Variants in PHC3 observed in about 807,000 individuals in gnomAD.
PHC3 encodes the protein polyhomeotic homolog 3.
A neutral mutation model predicts 107.4 loss-of-function variants in PHC3; 13 were observed. That is an observed-to-expected ratio of 0.12 (90% CI 0.08 to 0.19). The LOEUF is 0.19. Ranked by LOEUF, PHC3 falls within the 10% of genes least tolerant of loss-of-function variation. The pLI, the probability that PHC3 is intolerant of heterozygous loss-of-function variation, is 1.00. For missense variants in PHC3, 992 were observed against 1,210.9 expected (o/e 0.82, Z 2.68); for synonymous variants, 456 against 427.4 (o/e 1.07, Z -0.83).
chr3:170,151,695 A>G (rs750516560), intron 4 of PHC3, among the ~76,000 whole-genome samples: 2 of 152,212 alleles, frequency 1.3e-5, no homozygotes, highest in African/African-American at 2.4e-5. Context: ...CTCCACCCAT[A>G]CGTTCTGAGA....
chr3:170,173,192 T>C (rs1156992740), intron 2 of PHC3, among the ~76,000 whole-genome samples: 3 of 143,882 alleles, frequency 2.1e-5, no homozygotes, highest in East Asian at 2.0e-4. Flanking sequence ...GACTCCCATC[T>C]CAAAAAAAAA....
At chr3:170,176,089 G>C (rs1216601449) in intron 2 of PHC3, among the ~76,000 whole-genome samples, 1 of 151,618 alleles carries the variant, frequency 6.6e-6, no homozygotes, top group East Asian at 1.9e-4. Flanking sequence ...AGCTGGATCT[G>C]CTGGCACATG....
At chr3:170,098,455 A>T (rs1201071434) in intron 14 of PHC3, among the ~76,000 whole-genome samples, 1 of 152,194 alleles carries the variant, frequency 6.6e-6, no homozygotes, top group African/African-American at 2.4e-5. Context: ...TGGATGCCAC[A>T]ATTTTGCTAG....
intron 13 of PHC3, 22 bp downstream of exon 13, chr3:170,102,780 T>C (rs1298472711): frequency 5.6e-6 from 9 of 1,613,512 alleles, no homozygotes; most frequent in East Asian, 2.2e-5. Flanking sequence ...GTATTTTACA[T>C]TGAAGCAAGG....
chr3:170,117,567 G>A, intron 9 of PHC3, 91 bp from the exon 10 acceptor site: 2 of 1,281,758 alleles, frequency 1.6e-6, no homozygotes, highest in Non-Finnish European at 2.1e-6. Flanking sequence ...AATAACAACA[G>A]TTAATATCTG....
chr3:170,120,019 A>G (rs1466884405), intron 9 of PHC3, among the ~76,000 whole-genome samples: 10 of 152,210 alleles, frequency 6.6e-5, no homozygotes, highest in African/African-American at 1.9e-4. Flanking sequence ...TTGTGTTCCA[A>G]TATTTCAGAA....
chr3:170,177,142 A>T (rs1369151040), intron 2 of PHC3, among the ~76,000 whole-genome samples: 1 of 152,186 alleles, frequency 6.6e-6, no homozygotes, highest in Non-Finnish European at 1.5e-5. Context: ...TTCTTAGGCC[A>T]CCTGGGTTTA....
intron 6 of PHC3, among the ~76,000 whole-genome samples, chr3:170,141,000 A>G (rs746411364): frequency 1.3e-5 from 2 of 152,188 alleles, no homozygotes; most frequent in Non-Finnish European, 2.9e-5. Context: ...ATAGTAAATA[A>G]AAGTGAGATA....
chr3:170,175,140 A>G (rs141810378), intron 2 of PHC3, among the ~76,000 whole-genome samples: 1 of 152,284 alleles, frequency 6.6e-6, no homozygotes, highest in Admixed American at 6.5e-5. Context: ...AATTCCCAGG[A>G]CAGAAAAAGC....
chr3:170,122,500 G>A lies in PHC3; in HGVS notation c.1942+91C>T, dbSNP rs367838245. 6.7e-6 allele frequency: 9 copies of A among 1,349,322 alleles called. No homozygotes were observed. In the South Asian group the frequency reaches 8.5e-5, roughly 13 times the overall value. 83.6% of individuals were successfully genotyped at this position (1,349,322 alleles called of 1,614,324 possible). On this transcript the variant is annotated intron_variant, in intron 9 of 14. Coordinates refer to ENST00000495893, the MANE Select transcript of PHC3 (RefSeq NM_024947.4). ...CACCTGTAGTTCCAGCTACAAAAAGGGTGAAAGGAGGAAAGGGAAAAAAAT... is the reference window on the plus strand; with the variant it reads ...CACCTGTAGTTCCAGCTACAAAAAGAGTGAAAGGAGGAAAGGGAAAAAAAT...
intron 4 of PHC3, among the ~76,000 whole-genome samples, chr3:170,167,388 TTA>T (rs1728897822): frequency 6.6e-6 from 1 of 152,228 alleles, no homozygotes. Flanking sequence ...AGTGTTGGGA[TTA>T]TAGGCATGAG....
intron 4 of PHC3, among the ~76,000 whole-genome samples, chr3:170,164,853 T>A (rs528070184): frequency 6.6e-6 from 1 of 152,234 alleles, no homozygotes; most frequent in East Asian, 1.9e-4. Context: ...TTTTAGACAA[T>A]AATTACTCTA....
chr3:170,133,136 A>G (rs1329566550), intron 7 of PHC3, among the ~76,000 whole-genome samples: 1 of 152,158 alleles, frequency 6.6e-6, no homozygotes, highest in East Asian at 1.9e-4. Flanking sequence ...AATTGAGGAC[A>G]AATAATCAAT....
intron 4 of PHC3, among the ~76,000 whole-genome samples, chr3:170,156,283 G>C (rs1019879323): frequency 1.3e-5 from 2 of 151,668 alleles, no homozygotes; most frequent in Non-Finnish European, 1.5e-5. Context: ...TTGAGACAGA[G>C]TCTCACTCTG....
At chr3:170,164,161 C>A (rs151206080) in intron 4 of PHC3, among the ~76,000 whole-genome samples, 1,855 of 151,822 alleles carry the variant, frequency 0.012, 40 homozygotes, top group African/African-American at 0.043. Context: ...ATGCCACTGC[C>A]CTCCGGCCTG....
chr3:170,148,819 A>T, intron 5 of PHC3: 1 of 266,334 alleles, frequency 3.8e-6, no homozygotes, highest in African/African-American at 2.2e-5. Context: ...AATGAATTTG[A>T]TATTAAAAAA....
intron 8 of PHC3, among the ~76,000 whole-genome samples, chr3:170,125,398 A>G (rs1342710080): frequency 6.6e-6 from 1 of 152,232 alleles, no homozygotes; most frequent in Non-Finnish European, 1.5e-5. Context: ...TAATTAAACA[A>G]GTATGGTTTT....
chr3:170,103,561 T>C (rs1004725011), intron 12 of PHC3, among the ~76,000 whole-genome samples: 1 of 152,252 alleles, frequency 6.6e-6, no homozygotes, highest in Non-Finnish European at 1.5e-5. Flanking sequence ...CCTAGTATTT[T>C]TGAACATAGA....
At position 170,089,921 on chromosome 3, in the gene PHC3, A is replaced by G. The variant is rs1353420822; in HGVS notation, c.*7309T>C. ...AACAGAGCGAACCCATCTCAAAAAAAAAAAAAAGAAAAAAAAAAAAAAAGA... is the reference window on the plus strand; with the variant it reads ...AACAGAGCGAACCCATCTCAAAAAAGAAAAAAAGAAAAAAAAAAAAAAAGA... On this transcript the variant is annotated 3_prime_UTR_variant, in exon 15 of 15. Transcript: ENST00000495893. 1 of 148,764 alleles carries G rather than the reference A, an allele frequency of 6.7e-6. No individual in the cohort carries two copies. Among genetic ancestry groups the G allele is most frequent in the African/African-American group, 2.5e-5 (1 of 39,302 alleles). 9.2% of individuals were successfully genotyped at this position (148,764 alleles called of 1,614,324 possible). A position where few individuals can be genotyped will look rare whatever the true frequency, so the allele number is the denominator to read the frequency against.
Sources: gnomAD v4.1 joint callset for allele counts (sites outside exome capture counted in the v4.1 genomes callset) on GRCh38, gnomAD v4.1.1 for gene constraint, MANE v1.5 for transcripts, NCBI Gene and HGNC (gene_info 2026-07-23, HGNC 2026-07-21) for gene names.